Variants in CIB4 observed in about 807,000 individuals in gnomAD.
CIB4 encodes the protein calcium and integrin-binding family member 4.
Under a neutral mutation model 25.8 loss-of-function variants are expected in CIB4, and 25 were observed. That is an observed-to-expected ratio of 0.97 (90% CI 0.71 to 1.35). CIB4 has a LOEUF of 1.35. Ranked by LOEUF, CIB4 falls within the 40% of genes most tolerant of loss-of-function variation. The probability of loss-of-function intolerance (pLI) is 0.00; values close to 1 mark genes in which losing one functional copy is unlikely to be tolerated. For synonymous variants in CIB4, 75 were observed against 81.4 expected (o/e 0.92, Z 0.42); for missense variants, 235 against 228.2 (o/e 1.03, Z -0.19).
chr2:26,581,235 A>G lies in CIB4; in HGVS notation c.*128T>C. On this transcript the variant is annotated 3_prime_UTR_variant, in exon 7 of 7. Coordinates refer to ENST00000288861, the MANE Select transcript of CIB4 (RefSeq NM_001029881.3). ...AAAAGCTTTTTCTTTTATCTAATAA[A>G]CAATATTCTAGAGGTGAGTGTGGGC... 1 of 731,278 alleles carries G rather than the reference A, an allele frequency of 1.4e-6. No individual in the cohort carries two copies. The highest frequency in any genetic ancestry group is 1.6e-5 in the South Asian group (1 of 61,676). The allele number at this position is 731,278 out of a possible 1,614,324, so 45.3% of individuals were successfully genotyped here. A position where few individuals can be genotyped will look rare whatever the true frequency, so the allele number is the denominator to read the frequency against.
At position 26,581,379 on chromosome 2, in the gene CIB4, T is replaced by C. The variant is rs935172; in HGVS notation, c.542A>G (p.His181Arg). 834,351 of 1,611,380 alleles carry C rather than the reference T, an allele frequency of 0.52. 218,429 individuals carry two copies. Among genetic ancestry groups the C allele is most frequent in the Admixed American group, 0.66 (39,327 of 59,968 alleles). The change falls in exon 7 of 7, where the codon CAC becomes CGC. Residue 181 changes from histidine (H) to arginine (R), a missense_variant. By Grantham distance (29) the His-to-Arg change is conservative. Transcript: ENST00000288861. The part of the protein sequence containing the change: ...SPDFMNSFRI[H>R]FWGC ...GCCGCTACATCAGCATCCCCAGAAG[T>C]GAATCCGAAAGGAGCTGAAAGAAAG...
rs1148961 is a variant in CIB4, at chr2:26,594,800, C to A, written c.328+376G>T. ...AAAACTGAGCCCCAGAAAGGTGAAA[C>A]GATTTGTCCAAGATTGTTCAAATTT... is the stretch of plus-strand genomic sequence containing the variant. On this transcript the variant is annotated intron_variant, in intron 4 of 6. Coordinates refer to ENST00000288861, the MANE Select transcript of CIB4 (RefSeq NM_001029881.3). Among the ~76,000 whole-genome samples, 2 of 152,244 alleles carry A rather than the reference C, an allele frequency of 1.3e-5. 1 individual carries two copies. The highest frequency in any genetic ancestry group is 3.9e-4 in the East Asian group (2 of 5,168).
intron 3 of CIB4, among the ~76,000 whole-genome samples, chr2:26,625,349 CTT>C (rs34821747): frequency 0.011 from 1,077 of 98,552 alleles, 15 homozygotes; most frequent in African/African-American, 0.036. Context: ...TAAGGACAGC[CTT>C]TTTTTTTTTT....
chr2:26,631,099 A>T (rs1321056182), intron 2 of CIB4, among the ~76,000 whole-genome samples: 1 of 152,162 alleles, frequency 6.6e-6, no homozygotes, highest in Non-Finnish European at 1.5e-5. Context: ...GGAGTGAGTG[A>T]CTAACAGTCC....
At chr2:26,622,753 T>A (rs753277263) in intron 3 of CIB4, among the ~76,000 whole-genome samples, 44 of 151,694 alleles carry the variant, frequency 2.9e-4, no homozygotes, top group Non-Finnish European at 5.4e-4. Context: ...GAGGCCGAGG[T>A]GGGCAGATCA....
At chr2:26,583,368 C>T (rs1002534096) in intron 5 of CIB4, among the ~76,000 whole-genome samples, 1 of 152,164 alleles carries the variant, frequency 6.6e-6, no homozygotes, top group Non-Finnish European at 1.5e-5. Context: ...TCGTGTTTGT[C>T]ACTCCAGGAC....
chr2:26,619,291 C>T (rs901120879), intron 3 of CIB4, among the ~76,000 whole-genome samples: 8 of 152,100 alleles, frequency 5.3e-5, no homozygotes, highest in Non-Finnish European at 1.0e-4. Flanking sequence ...GGCTGCTGGG[C>T]GTCCCAGCGT....
intron 3 of CIB4, among the ~76,000 whole-genome samples, chr2:26,604,358 T>C (rs1304925531): frequency 6.6e-6 from 1 of 151,962 alleles, no homozygotes; most frequent in African/African-American, 2.4e-5. Context: ...CCAGCCTGGG[T>C]GACAGAGCAA....
chr2:26,602,662 T>C (rs1252206861), intron 3 of CIB4, among the ~76,000 whole-genome samples: 1 of 152,184 alleles, frequency 6.6e-6, no homozygotes, highest in Non-Finnish European at 1.5e-5. Flanking sequence ...CAAATAACTT[T>C]ACAGTGGAGA....
chr2:26,640,451 C>A, intron 2 of CIB4, 82 bp downstream of exon 2: 1 of 1,436,388 alleles, frequency 7.0e-7, no homozygotes, highest in Non-Finnish European at 9.7e-7. Context: ...ACTCAGGGAC[C>A]AGCGTGAGGC....
intron 2 of CIB4, among the ~76,000 whole-genome samples, chr2:26,635,030 G>A (rs1406868786): frequency 6.6e-6 from 1 of 152,250 alleles, no homozygotes; most frequent in Admixed American, 6.5e-5. Flanking sequence ...GGTCTGCACG[G>A]TCTGCAGTCA....
intron 4 of CIB4, among the ~76,000 whole-genome samples, chr2:26,586,256 G>T (rs1041979213): frequency 6.6e-6 from 1 of 152,084 alleles, no homozygotes; most frequent in East Asian, 1.9e-4. Context: ...AAGTCAGCCC[G>T]CCCTCACTCT....
At chr2:26,616,121 C>T (rs948069900) in intron 3 of CIB4, among the ~76,000 whole-genome samples, 3 of 152,136 alleles carry the variant, frequency 2.0e-5, no homozygotes, top group African/African-American at 4.8e-5. Context: ...GTAAATGAAG[C>T]GAACAACTCC....
At position 26,641,318 on chromosome 2, in the gene CIB4, A is replaced by G; in HGVS notation, c.-4T>C. The G allele has an allele frequency of 6.2e-7, 1 of 1,613,346 alleles. No individual in the cohort carries two copies. The highest frequency in any genetic ancestry group is 8.5e-7 in the Non-Finnish European group (1 of 1,179,414). ...GATACCTCAAGCATTGCCCCATGCC[A>G]ACCACACCTTTCTGTCTGCCAGCAG... On this transcript the variant is annotated 5_prime_UTR_variant, in exon 1 of 7. Coordinates refer to ENST00000288861, the MANE Select transcript of CIB4 (RefSeq NM_001029881.3).
intron 3 of CIB4, among the ~76,000 whole-genome samples, chr2:26,609,525 CGGAGGCAGAGGGAACAGAAGGAAG>C (rs1558564519): frequency 2.6e-5 from 4 of 152,070 alleles, no homozygotes; most frequent in Admixed American, 6.6e-5. Context: ...ATGCAGGAGA[CGGAGGCAGAGGGAACAGAAGGAAG>C]ATGTAGGAGC....
chr2:26,635,318 A>C (rs1669511919), intron 2 of CIB4, among the ~76,000 whole-genome samples: 1 of 152,202 alleles, frequency 6.6e-6, no homozygotes, highest in Non-Finnish European at 1.5e-5. Context: ...ACCAGCCCCC[A>C]GGAGGTGTCA....
intron 3 of CIB4, among the ~76,000 whole-genome samples, chr2:26,602,295 C>A (rs1668807371): frequency 6.6e-6 from 1 of 152,090 alleles, no homozygotes; most frequent in South Asian, 2.1e-4. Flanking sequence ...AGTCTAAAGA[C>A]CAAAATAATA....
At chr2:26,625,675 C>A (rs182374646) in intron 3 of CIB4, among the ~76,000 whole-genome samples, 22 of 152,336 alleles carry the variant, frequency 1.4e-4, no homozygotes, top group African/African-American at 5.3e-4. Flanking sequence ...TCCACCCCCC[C>A]ACTGCTTCCC....
intron 3 of CIB4, among the ~76,000 whole-genome samples, chr2:26,607,780 C>T (rs1040962495): frequency 1.3e-5 from 2 of 152,254 alleles, no homozygotes; most frequent in African/African-American, 4.8e-5. Context: ...CCAAGCAAAG[C>T]TGTTACCTGG....
Sources: gnomAD v4.1 joint callset for allele counts (sites outside exome capture counted in the v4.1 genomes callset) on GRCh38, gnomAD v4.1.1 for gene constraint, MANE v1.5 for transcripts, NCBI Gene and HGNC (gene_info 2026-07-23, HGNC 2026-07-21) for gene names.